The following FAM78B variants were observed in gnomAD, a reference collection of about 807,000 sequenced individuals.
FAM78B encodes the protein protein FAM78B.
Under a neutral mutation model 20.0 loss-of-function variants are expected in FAM78B, and 10 were observed. The observed-to-expected ratio is 0.50, with a 90% CI of 0.31 to 0.85. FAM78B has a LOEUF of 0.85. Ranked by LOEUF, FAM78B falls within the 40% of genes least tolerant of loss-of-function variation. FAM78B has a pLI of 0.05. For synonymous variants in FAM78B, 135 were observed against 132.8 expected, an observed-to-expected ratio of 1.02 and a Z score of -0.12; for missense variants, 283 against 345.0, an observed-to-expected ratio of 0.82 and a Z score of 1.42.
chr1:166,080,666 T>A (rs1480779169), intron 1 of FAM78B, among the ~76,000 whole-genome samples: 1 of 152,228 alleles, frequency 6.6e-6, no homozygotes, highest in East Asian at 1.9e-4. Context: ...GTGGCAAGTT[T>A]AGTTAAAGAG....
intron 1 of FAM78B, among the ~76,000 whole-genome samples, chr1:166,085,603 G>A (rs995576363): frequency 6.6e-6 from 1 of 152,250 alleles, no homozygotes; most frequent in African/African-American, 2.4e-5. Flanking sequence ...GGGCAGGTCT[G>A]CTGGGCACAG....
At chr1:166,112,320 G>A (rs766714174) in intron 1 of FAM78B, among the ~76,000 whole-genome samples, 22 of 152,212 alleles carry the variant, frequency 1.4e-4, no homozygotes, top group Admixed American at 6.5e-4. Context: ...AGAATTCTAT[G>A]AAGCCCAGCC....
In FAM78B at chr1:166,070,637, CTTG is replaced by C. The variant is rs1464332062; in HGVS notation, c.387_389del (p.Asn129del). The C allele has an allele frequency of 5.0e-6, 8 of 1,613,706 alleles. No homozygotes were observed. The highest frequency in any genetic ancestry group is 1.7e-5 in the Admixed American group (1 of 60,008). On this transcript the variant is annotated inframe_deletion, in exon 2 of 2. Transcript: ENST00000354422. ...TCATGCTGACGGAGAACCTGGAGAT[CTTG>C]TTGGTGGGGCCAACCAGGGTCACAG...
At position 166,070,457 on chromosome 1, in the gene FAM78B, C is replaced by T. The variant is rs763135942; in HGVS notation, c.570G>A (p.Lys190=). Residue 190 remains lysine, a synonymous_variant, in exon 2 of 2, where the codon AAG becomes AAA. Transcript: ENST00000354422. The part of the protein sequence containing the change: ...TKEKIILQTI[K]WRMRVDIEVD... ...CTTCAATGTCCACCCTCATCCTCCA[C>T]TTGATGGTCTGCAGAATGATCTTCT... The T allele has an allele frequency of 3.1e-6, 5 of 1,614,234 alleles. No homozygotes were observed. Among genetic ancestry groups the T allele is most frequent in the Non-Finnish European group, 4.2e-6 (5 of 1,180,046 alleles).
chr1:166,096,328 T>A (rs1653274211), intron 1 of FAM78B, among the ~76,000 whole-genome samples: 1 of 152,206 alleles, frequency 6.6e-6, no homozygotes, highest in African/African-American at 2.4e-5. Flanking sequence ...GCCTGGCCAC[T>A]CTGGCATAAC....
At chr1:166,155,925 GTTTCTGGCAGCTC>G (rs1260173097) in intron 1 of FAM78B, among the ~76,000 whole-genome samples, 5 of 152,232 alleles carry the variant, frequency 3.3e-5, no homozygotes, top group Non-Finnish European at 7.3e-5. Context: ...TAATTTGCCT[GTTTCTGGCAGCTC>G]TTGGACTTGC....
intron 1 of FAM78B, among the ~76,000 whole-genome samples, chr1:166,116,565 C>T (rs12123839): frequency 0.17 from 25,532 of 152,150 alleles, 2,283 homozygotes; most frequent in East Asian, 0.27. Flanking sequence ...CCCCCAACAA[C>T]GAAAGCCAGA....
At chr1:166,160,256 G>A (rs994243983) in intron 1 of FAM78B, among the ~76,000 whole-genome samples, 1 of 152,178 alleles carries the variant, frequency 6.6e-6, no homozygotes. Flanking sequence ...AACAAAAAGG[G>A]GAGCTCTAGC....
intron 1 of FAM78B, among the ~76,000 whole-genome samples, chr1:166,121,516 A>G (rs1456844982): frequency 6.6e-6 from 1 of 152,200 alleles, no homozygotes; most frequent in Non-Finnish European, 1.5e-5. Context: ...TTGGCCCTTC[A>G]GAGCTCCATA....
chr1:166,107,629 C>G (rs554932996), intron 1 of FAM78B, among the ~76,000 whole-genome samples: 1 of 152,216 alleles, frequency 6.6e-6, no homozygotes, highest in African/African-American at 2.4e-5. Context: ...GGAACCTTCC[C>G]TAATTCATTC....
At position 166,121,081 on chromosome 1, in the gene FAM78B, A is replaced by AT. The variant is rs542395616; in HGVS notation, c.263+44904dup. On this transcript the variant is annotated intron_variant, in intron 1 of 1. Transcript: ENST00000354422. ...CTTTAAATTTGTAGAGCCTCGGGCA[A>AT]TTTTTTTTAAAAGCCCGCTTATCAT... Among the ~76,000 whole-genome samples, 38 of 152,198 alleles carry AT rather than the reference A, an allele frequency of 2.5e-4. No individual in the cohort carries two copies. In the South Asian group the frequency reaches 7.3e-3, roughly 29 times the overall value.
chr1:166,127,295 C>T (rs923139461), intron 1 of FAM78B, among the ~76,000 whole-genome samples: 2 of 152,220 alleles, frequency 1.3e-5, no homozygotes, highest in African/African-American at 2.4e-5. Context: ...CTGCCCTAGA[C>T]AGAGACTGCA....
intron 1 of FAM78B, among the ~76,000 whole-genome samples, chr1:166,140,921 C>T (rs2101788659): frequency 6.6e-6 from 1 of 152,314 alleles, no homozygotes; most frequent in South Asian, 2.1e-4. Flanking sequence ...ATCATTAGTG[C>T]TCAGAGGAAC....
At chr1:166,125,049 C>T (rs1049498293) in intron 1 of FAM78B, among the ~76,000 whole-genome samples, 1 of 152,254 alleles carries the variant, frequency 6.6e-6, no homozygotes, top group Non-Finnish European at 1.5e-5. Flanking sequence ...CTATGGTCAA[C>T]TGAGACCTGC....
chr1:166,148,967 C>T (rs1210860113), intron 1 of FAM78B, among the ~76,000 whole-genome samples: 1 of 152,182 alleles, frequency 6.6e-6, no homozygotes, highest in East Asian at 1.9e-4. Flanking sequence ...CTACAAAGGA[C>T]ATGAACTCAT....
intron 1 of FAM78B, among the ~76,000 whole-genome samples, chr1:166,142,544 C>T (rs1655317999): frequency 6.6e-6 from 1 of 152,166 alleles, no homozygotes; most frequent in African/African-American, 2.4e-5. Context: ...AAGAGGAAGA[C>T]TATTTTTATT....
chr1:166,144,789 C>A (rs1312355827), intron 1 of FAM78B, among the ~76,000 whole-genome samples: 2 of 151,996 alleles, frequency 1.3e-5, no homozygotes, highest in Non-Finnish European at 2.9e-5. Context: ...ATAGAGCCCA[C>A]AAAAGAAGGA....
chr1:166,151,299 A>G (rs977717601), intron 1 of FAM78B, among the ~76,000 whole-genome samples: 1 of 152,170 alleles, frequency 6.6e-6, no homozygotes, highest in South Asian at 2.1e-4. Flanking sequence ...CATTTCTTCA[A>G]TGTTTTTGCT....
In FAM78B at chr1:166,090,595, C is replaced by G. The variant is rs186096750; in HGVS notation, c.264-19832G>C. Among the ~76,000 whole-genome samples, 121 of 152,272 alleles carry G rather than the reference C, an allele frequency of 7.9e-4. 1 individual carries two copies. The highest frequency in any genetic ancestry group is 1.5e-3 in the Non-Finnish European group (101 of 68,012). On this transcript the variant is annotated intron_variant, in intron 1 of 1. Transcript: ENST00000354422. ...AATCAAAGTCAGTAATAAAAGCCAC[C>G]TCAGAGATATGGCTCATGAGCCATC...
Sources: allele counts gnomAD v4.1 joint callset (sites outside exome capture counted in the v4.1 genomes callset), GRCh38; gene constraint gnomAD v4.1.1; transcripts MANE v1.5; gene names NCBI Gene and HGNC (gene_info 2026-07-23, HGNC 2026-07-21).